The following ACO1 variants were observed in gnomAD, a reference collection of about 807,000 sequenced individuals.
The protein encoded by ACO1 is cytoplasmic aconitate hydratase.
In ACO1, 78 loss-of-function variants were observed where a neutral mutation model predicts 105.1. The observed-to-expected ratio is 0.74, with a 90% confidence interval of 0.62 to 0.90. ACO1 has a LOEUF of 0.90. ACO1 is among the 40% of genes least tolerant of loss of function. ACO1 has a pLI of 0.00. For synonymous variants in ACO1, 364 were observed against 397.4 expected (o/e 0.92, Z 1.00); for missense variants, 965 against 1,111.1 (o/e 0.87, Z 1.87).
At chr9:32,440,140 G>A (rs377385163) in intron 18 of ACO1, among the ~76,000 whole-genome samples, 9 of 152,086 alleles carry the variant, frequency 5.9e-5, no homozygotes, top group East Asian at 1.9e-4. Flanking sequence ...GGTGGTGTGC[G>A]CCTGTAATCC....
chr9:32,385,365 AC>A (rs1167220259), intron 1 of ACO1, among the ~76,000 whole-genome samples: 2 of 152,148 alleles, frequency 1.3e-5, no homozygotes, highest in Admixed American at 6.5e-5. Context: ...CTGGGGGACA[AC>A]CTCTAGGACA....
At chr9:32,426,437 G>A (rs986765490) in intron 11 of ACO1, among the ~76,000 whole-genome samples, 1 of 152,200 alleles carries the variant, frequency 6.6e-6, no homozygotes, top group Non-Finnish European at 1.5e-5. Flanking sequence ...CCACTGGCCT[G>A]TTTCGCAATT....
At chr9:32,393,460 A>G (rs1285132963) in intron 1 of ACO1, among the ~76,000 whole-genome samples, 1 of 152,202 alleles carries the variant, frequency 6.6e-6, no homozygotes, top group Non-Finnish European at 1.5e-5. Context: ...AGATGTTATC[A>G]GTGACAATGC....
intron 4 of ACO1, among the ~76,000 whole-genome samples, chr9:32,413,082 C>CT (rs1176252480): frequency 6.6e-6 from 1 of 151,424 alleles, no homozygotes; most frequent in Non-Finnish European, 1.5e-5. Flanking sequence ...TTTTATAGAC[C>CT]TTTTTCATTT....
chr9:32,447,806 C>T (rs1028344714), intron 19 of ACO1, among the ~76,000 whole-genome samples: 6 of 152,130 alleles, frequency 3.9e-5, no homozygotes, highest in Non-Finnish European at 7.3e-5. Context: ...GTTAGTTTTC[C>T]TTCTAACAAG....
chr9:32,437,551 A>G (rs1003104618), intron 18 of ACO1, among the ~76,000 whole-genome samples: 8 of 152,160 alleles, frequency 5.3e-5, no homozygotes, highest in Non-Finnish European at 1.0e-4. Flanking sequence ...AGTTATAGAC[A>G]TTGGGGGACC....
At chr9:32,390,329 A>G (rs1408861407) in intron 1 of ACO1, among the ~76,000 whole-genome samples, 2 of 152,126 alleles carry the variant, frequency 1.3e-5, no homozygotes, top group Non-Finnish European at 2.9e-5. Context: ...CTACTTTGGT[A>G]TTTGCTCTTT....
chr9:32,426,625 G>A (rs187443425), intron 11 of ACO1, among the ~76,000 whole-genome samples: 248 of 152,266 alleles, frequency 1.6e-3, no homozygotes, highest in Non-Finnish European at 2.7e-3. Flanking sequence ...GCCTGAGTCC[G>A]TGTATTGCCA....
Position 32,430,485 on chromosome 9 carries a change from C to T in ACO1, c.1637C>T (p.Thr546Ile). The change falls in exon 14 of 21, where the codon ACC becomes ATC. Residue 546 changes from threonine to isoleucine, a missense_variant. By Grantham distance (89) the Thr-to-Ile change is moderately conservative. Transcript: ENST00000309951. ...TTTGAAGGTCGAGTTCACCCCAACA[C>T]CCGGGCCAACTATTTAGCCTCTCCC... Reference protein sequence around the residue: ...RNFEGRVHPNTRANYLASPPL... With the variant: ...RNFEGRVHPNIRANYLASPPL... 1 of 1,612,354 alleles carries T rather than the reference C, an allele frequency of 6.2e-7. No individual in the cohort carries two copies. Among genetic ancestry groups the T allele is most frequent in the East Asian group, 2.2e-5 (1 of 44,754 alleles).
Position 32,436,288 on chromosome 9 carries a change from G to C in ACO1, c.2138G>C (p.Arg713Pro). ...GAATTCAACTCCTATGGCTCCCGCC[G>C]AGGTAATGACGCCGTCATGGCACGG... ...PREFNSYGSR[R>P]GNDAVMARGT... is the part of the protein sequence containing the mutation. Residue 713 changes from arginine (R) to proline (P), a missense_variant, in exon 18 of 21, where the codon CGA becomes CCA. Physicochemically the swap from Arg to Pro is moderately radical, Grantham distance 103 (BLOSUM62 -2). Coordinates refer to ENST00000309951, the MANE Select transcript of ACO1 (RefSeq NM_002197.3). 1 of 1,614,110 alleles carries C rather than the reference G, an allele frequency of 6.2e-7. No homozygotes were observed. The highest frequency in any genetic ancestry group is 1.3e-5 in the African/African-American group (1 of 75,028).
chr9:32,453,396 G>T lies in ACO1; in HGVS notation c.*3285G>T, dbSNP rs1822811505. The T allele has an allele frequency of 6.7e-6, 1 of 149,088 alleles. No homozygotes were observed. Among genetic ancestry groups the T allele is most frequent in the African/African-American group, 2.5e-5 (1 of 40,622 alleles). 9.2% of individuals were successfully genotyped at this position (149,088 alleles called of 1,614,324 possible). A position where few individuals can be genotyped will look rare whatever the true frequency, so the allele number is the denominator to read the frequency against. ...AGCTGGCTCATAGAACTTGAGGACA[G>T]TGGTGGCCATGACTATGGGCTTGAT... On this transcript the variant is annotated 3_prime_UTR_variant, in exon 21 of 21. Coordinates refer to ENST00000309951, the MANE Select transcript of ACO1 (RefSeq NM_002197.3).
chr9:32,421,821 AC>A (rs1821982556), intron 8 of ACO1, among the ~76,000 whole-genome samples: 1 of 152,210 alleles, frequency 6.6e-6, no homozygotes, highest in African/African-American at 2.4e-5. Flanking sequence ...TGGCTGAAGT[AC>A]CCCAGAGGTG....
At chr9:32,398,796 T>A (rs1821427663) in intron 1 of ACO1, among the ~76,000 whole-genome samples, 1 of 152,124 alleles carries the variant, frequency 6.6e-6, no homozygotes, top group African/African-American at 2.4e-5. Context: ...GGTCTCGCTA[T>A]GTTGCCCAGG....
At chr9:32,393,718 G>A (rs11999526) in intron 1 of ACO1, among the ~76,000 whole-genome samples, 3,996 of 152,070 alleles carry the variant, frequency 0.026, 171 homozygotes, top group African/African-American at 0.093. Flanking sequence ...TTTCTCTTTT[G>A]TACTCTTTCC....
intron 4 of ACO1, among the ~76,000 whole-genome samples, chr9:32,416,287 G>T (rs1821847427): frequency 6.6e-6 from 1 of 151,950 alleles, no homozygotes; most frequent in South Asian, 2.1e-4. Flanking sequence ...CAGAGATGGG[G>T]TTTCACCATG....
At chr9:32,445,620 C>G (rs779941558) in intron 19 of ACO1, 1 of 276,126 alleles carries the variant, frequency 3.6e-6, no homozygotes, top group African/African-American at 2.3e-5. Context: ...TCCTTCAGTT[C>G]TGCTTTGATC....
chr9:32,394,368 A>G (rs1821327696), intron 1 of ACO1, among the ~76,000 whole-genome samples: 2 of 152,174 alleles, frequency 1.3e-5, no homozygotes, highest in Non-Finnish European at 2.9e-5. Flanking sequence ...TCTCCTACAC[A>G]GTCTCCATTC....
intron 8 of ACO1, among the ~76,000 whole-genome samples, chr9:32,422,657 C>T (rs1213241683): frequency 2.0e-5 from 3 of 152,108 alleles, no homozygotes; most frequent in Admixed American, 6.5e-5. Flanking sequence ...GATGCAGCAT[C>T]GTGAGTTAAG....
rs138520929 is a variant in ACO1 at position 32,425,853 on chromosome 9, T to C, written c.1204T>C (p.Phe402Leu). ...CTTCCTTTAGCAAGGATTTAAAGGA[T>C]TCCAAGTTGCTCCTGAACATCATAA... is the stretch of plus-strand genomic sequence containing the variant. Reference protein sequence around the residue: ...CLGAKQGFKGFQVAPEHHNDH... With the variant: ...CLGAKQGFKGLQVAPEHHNDH... The change falls in exon 11 of 21, where the codon TTC (phenylalanine) becomes CTC (leucine). Residue 402 changes from phenylalanine (F) to leucine (L), a missense_variant. Transcript: ENST00000309951. The C allele has an allele frequency of 4.3e-6, 7 of 1,612,720 alleles. No homozygotes were observed. The highest frequency in any genetic ancestry group is 5.9e-6 in the Non-Finnish European group (7 of 1,178,992).
Sources: allele counts gnomAD v4.1 joint callset (sites outside exome capture counted in the v4.1 genomes callset), GRCh38; gene constraint gnomAD v4.1.1; transcripts MANE v1.5; gene names NCBI Gene and HGNC (gene_info 2026-07-23, HGNC 2026-07-21).